FAN1: variants seen among roughly 807,000 people sequenced by gnomAD.
FAN1 encodes the protein fanconi-associated nuclease 1.
Under a neutral mutation model 104.9 loss-of-function variants are expected in FAN1, and 91 were observed. The observed-to-expected ratio is 0.87, with a 90% CI of 0.73 to 1.03. The LOEUF (loss-of-function observed/expected upper bound fraction) is 1.03. Among genes scored for constraint, FAN1 ranks in the 50% least tolerant of loss-of-function variants. FAN1 has a pLI of 0.00. For missense variants in FAN1, 1,263 were observed against 1,239.9 expected (o/e 1.02, Z -0.28); for synonymous variants, 478 against 457.6 (o/e 1.04, Z -0.57).
intron 6 of FAN1, among the ~76,000 whole-genome samples, chr15:30,920,058 G>A (rs1443980509): frequency 2.0e-5 from 3 of 152,174 alleles, no homozygotes; most frequent in African/African-American, 7.2e-5. Flanking sequence ...GGTTTCTGTG[G>A]CACCAACTTT....
At chr15:30,914,609 G>A (rs2062164557) in intron 5 of FAN1, among the ~76,000 whole-genome samples, 1 of 152,056 alleles carries the variant, frequency 6.6e-6, no homozygotes, top group Non-Finnish European at 1.5e-5. Flanking sequence ...CAAGCAATCC[G>A]CCCACCTTGG....
chr15:30,940,529 C>T (rs2063008598), intron 14 of FAN1: 1 of 985,346 alleles, frequency 1.0e-6, no homozygotes, highest in African/African-American at 1.7e-5. Context: ...TAGTTTACCA[C>T]ACTGGAAATA....
In FAN1 at chr15:30,941,754, G is replaced by A. The variant is rs753984731; in HGVS notation, c.*192G>A. ...AGTACGTCGACTTCATCAGCCAGGAGGGAGAGCTTGTGAAAGGCTGTGATG... is the reference window on the plus strand; with the variant it reads ...AGTACGTCGACTTCATCAGCCAGGAAGGAGAGCTTGTGAAAGGCTGTGATG... On this transcript the variant is annotated 3_prime_UTR_variant, in exon 15 of 15. Transcript: ENST00000362065. 7 of 1,613,870 alleles carry A rather than the reference G, an allele frequency of 4.3e-6. No homozygotes were observed. Among genetic ancestry groups the A allele is most frequent in the Non-Finnish European group, 5.9e-6 (7 of 1,179,890 alleles).
chr15:30,904,007 C>T lies in FAN1; in HGVS notation c.-157C>T, dbSNP rs970417346. The T allele has an allele frequency of 2.0e-5, 3 of 152,252 alleles. No individual in the cohort carries two copies. The highest frequency in any genetic ancestry group is 7.2e-5 in the African/African-American group (3 of 41,418). 9.4% of individuals were successfully genotyped at this position (152,252 alleles called of 1,614,324 possible). On this transcript the variant is annotated 5_prime_UTR_variant, in exon 1 of 15. Coordinates refer to ENST00000362065, the MANE Select transcript of FAN1 (RefSeq NM_014967.5). ...AGTGGCTCGGGCTCAGTCGCGTGGCCCCAGGTGCGCGTCCCAGGTGCGCGG... is the reference window on the plus strand; with the variant it reads ...AGTGGCTCGGGCTCAGTCGCGTGGCTCCAGGTGCGCGTCCCAGGTGCGCGG...
chr15:30,913,148 C>T (rs1255625421), intron 4 of FAN1, among the ~76,000 whole-genome samples: 1 of 152,196 alleles, frequency 6.6e-6, no homozygotes, highest in Non-Finnish European at 1.5e-5. Flanking sequence ...AGCATGACCG[C>T]CTGAGCTTTG....
chr15:30,939,536 T>A, intron 14 of FAN1: 2 of 975,676 alleles, frequency 2.0e-6, no homozygotes, highest in Non-Finnish European at 2.4e-6. Context: ...CCAGCAAAAA[T>A]AAAAGTATTT....
rs76517993 is a variant in FAN1 at position 30,917,837 on chromosome 15, A to T, written c.1812-327A>T. 4.2e-3 allele frequency among the ~76,000 whole-genome samples: 641 copies of T among 152,326 alleles called. 6 individuals are homozygous for T. The highest frequency in any genetic ancestry group is 0.015 in the African/African-American group (605 of 41,576). On this transcript the variant is annotated intron_variant, in intron 5 of 14. Coordinates refer to ENST00000362065, the MANE Select transcript of FAN1 (RefSeq NM_014967.5). Reference sequence around the variant, plus strand: ...TGATGTCACTTACATGTTTGCTGTCATATTGTTGAATGAGTGAATGGATGA... The same window carrying T: ...TGATGTCACTTACATGTTTGCTGTCTTATTGTTGAATGAGTGAATGGATGA...
At chr15:30,918,445 A>G (rs1318266229) in intron 6 of FAN1, 150 bp downstream of exon 6, 2 of 749,792 alleles carry the variant, frequency 2.7e-6, no homozygotes, top group East Asian at 5.2e-5. Flanking sequence ...TTTGCCTAGA[A>G]TGAAAGTGCT....
rs1205873326 is a variant in FAN1 at position 30,905,749 on chromosome 15, C to A, written c.1086C>A (p.Ser362Arg). ...PHSIPLEQGS[S>R]CNGPGQTTGH... ...GCATTCCTTTGGAGCAGGGGTCAAG[C>A]TGCAATGGTCCTGGTCAAACAACCG... The change falls in exon 2 of 15, where the codon AGC becomes AGA. Residue 362 changes from serine (S) to arginine (R), a missense_variant. Physicochemically the swap from Ser to Arg is moderately radical, Grantham distance 110 (BLOSUM62 -1). Coordinates refer to ENST00000362065, the MANE Select transcript of FAN1 (RefSeq NM_014967.5). 6 of 1,614,092 alleles carry A rather than the reference C, an allele frequency of 3.7e-6. No homozygotes were observed. Among genetic ancestry groups the A allele is most frequent in the Non-Finnish European group, 5.1e-6 (6 of 1,180,046 alleles).
intron 12 of FAN1, among the ~76,000 whole-genome samples, chr15:30,930,028 T>A (rs1449394074): frequency 7.3e-6 from 1 of 137,872 alleles, no homozygotes; most frequent in Admixed American, 8.1e-5. Flanking sequence ...TATAATAATA[T>A]ATATATTAAT....
At chr15:30,917,446 T>G (rs1460525719) in intron 5 of FAN1, among the ~76,000 whole-genome samples, 1 of 152,156 alleles carries the variant, frequency 6.6e-6, no homozygotes, top group Non-Finnish European at 1.5e-5. Context: ...TCTAAGAATT[T>G]GTGAGCAAAC....
chr15:30,920,393 AG>A (rs1390489209), intron 6 of FAN1, 151 bp from the exon 7 acceptor site: 2 of 594,396 alleles, frequency 3.4e-6, no homozygotes, highest in Non-Finnish European at 2.9e-6. Flanking sequence ...GTGAGAATGT[AG>A]GTTTGTGGTG....
In FAN1 at chr15:30,941,566, A is replaced by G; in HGVS notation, c.*4A>G. On this transcript the variant is annotated splice_region_variant and 3_prime_UTR_variant, in exon 15 of 15. Transcript: ENST00000362065. The stretch of plus-strand genomic sequence containing the variant: ...TTCCTAAAATGCTTCGTCTGCACAG[A>G]TTCCCTACAGGAGAAAATGGAAATG... 6.2e-7 allele frequency: 1 copy of G among 1,601,878 alleles called. No homozygotes were observed. The highest frequency in any genetic ancestry group is 1.1e-5 in the South Asian group (1 of 89,412).
chr15:30,905,060 G>A lies in FAN1; in HGVS notation c.397G>A (p.Asp133Asn), dbSNP rs1460034269. ...QKISPYFKSN[D>N]VVCKNQDELR... ...GATCAGTCCCTACTTTAAAAGTAAT[G>A]ATGTGGTGTGCAAAAATCAAGATGA... Residue 133 changes from aspartate (D) to asparagine (N), a missense_variant, in exon 2 of 15, where the codon GAT (aspartate) becomes AAT (asparagine). Asp to Asn is a conservative substitution (Grantham distance 23). This residue lies in a region of FAN1 where 682 missense variants were observed against 571.1 expected (regional missense o/e 1.19). Transcript: ENST00000362065. 6.2e-7 allele frequency: 1 copy of A among 1,614,032 alleles called. No homozygotes were observed. The highest frequency in any genetic ancestry group is 8.5e-7 in the Non-Finnish European group (1 of 1,180,006).
intron 10 of FAN1, chr15:30,926,592 T>A (rs1197823198): frequency 6.1e-6 from 6 of 983,536 alleles, no homozygotes; most frequent in Non-Finnish European, 7.2e-6. Flanking sequence ...CTACATAATA[T>A]CTTTATTACT....
rs61009284 is a variant in FAN1 at position 30,927,479 on chromosome 15, C to T, written c.2489-1074C>T. On this transcript the variant is annotated intron_variant, in intron 10 of 14. Coordinates refer to ENST00000362065, the MANE Select transcript of FAN1 (RefSeq NM_014967.5). ...ACTGACAGGAAGACAGGACAGAGAG[C>T]AGCACAGCCTCAGAAGTGCAGGACA... The T allele has an allele frequency of 4.9e-3, 4,797 of 985,688 alleles. 172 individuals carry two copies. The African/African-American group carries it at 0.077, about 16-fold the overall frequency. 61.1% of individuals were successfully genotyped at this position (985,688 alleles called of 1,614,324 possible).
At chr15:30,920,430 A>G (rs2062299459) in intron 6 of FAN1, 115 bp from the exon 7 acceptor site, 1 of 715,578 alleles carries the variant, frequency 1.4e-6, no homozygotes, top group Non-Finnish European at 2.4e-6. Flanking sequence ...AACTGAAAGT[A>G]TTTAGAATAT....
intron 13 of FAN1, among the ~76,000 whole-genome samples, chr15:30,935,560 A>G (rs1342048587): frequency 6.6e-6 from 1 of 152,244 alleles, no homozygotes; most frequent in Non-Finnish European, 1.5e-5. Flanking sequence ...TTTAAAGTAT[A>G]TGAGAAGATG....
In FAN1 at chr15:30,929,787, TATATA is replaced by T. The variant is rs1170875352; in HGVS notation, c.2787+401_2787+405del. 1.7e-3 allele frequency among the ~76,000 whole-genome samples: 83 copies of T among 49,648 alleles called. 11 individuals are homozygous for T. Among genetic ancestry groups the T allele is most frequent in the East Asian group, 0.012 (3 of 242 alleles). 32.6% of individuals were successfully genotyped at this position (49,648 alleles called of 152,430 possible). A position where few individuals can be genotyped will look rare whatever the true frequency, so the allele number is the denominator to read the frequency against. On this transcript the variant is annotated intron_variant, in intron 12 of 14. Coordinates refer to ENST00000362065, the MANE Select transcript of FAN1 (RefSeq NM_014967.5). ...ATAAAATATATAATATATTATATCATATATAATATAATATATAAAATATATAATAT... is the reference window on the plus strand; with the variant it reads ...ATAAAATATATAATATATTATATCATATATAATATATAAAATATATAATAT...
Sources: gnomAD v4.1 joint callset for allele counts (sites outside exome capture counted in the v4.1 genomes callset) on GRCh38, gnomAD v4.1.1 for gene constraint, gnomAD v4.1.1 regional missense constraint, MANE v1.5 for transcripts, NCBI Gene and HGNC (gene_info 2026-07-23, HGNC 2026-07-21) for gene names.